GPHN: variants seen among roughly 807,000 people sequenced by gnomAD.
GPHN encodes gephyrin.
A neutral mutation model predicts 95.5 loss-of-function variants in GPHN; 17 were observed. That is an observed-to-expected ratio of 0.18 (90% CI 0.12 to 0.27). The LOEUF (loss-of-function observed/expected upper bound fraction) is 0.27, where lower values mean the gene tolerates loss of function less well. Ranked by LOEUF, GPHN falls within the 10% of genes least tolerant of loss-of-function variation. The pLI is 1.00. For missense variants in GPHN, 660 were observed against 978.1 expected (o/e 0.67, Z 4.34); for synonymous variants, 320 against 322.5 (o/e 0.99, Z 0.08).
chr14:67,393,001 G>A, the GPHN span: 2 of 863,752 alleles, frequency 2.3e-6, no homozygotes, highest in Admixed American at 4.1e-5. Context: ...TAGAGCCGTG[G>A]CTGCACACCC....
At position 66,630,474 on chromosome 14, in the gene GPHN, A is replaced by G. The variant is rs2063748391; in HGVS notation, c.65-50633A>G. On this transcript the variant is annotated intron_variant, in intron 1 of 22. Coordinates refer to ENST00000478722, the MANE Select transcript of GPHN (RefSeq NM_020806.5). ...GTTGGCAATTGGTCATCAGAATCCTATTGTTGTTGTTGTTATTTTTTTTTT... is the reference window on the plus strand; with the variant it reads ...GTTGGCAATTGGTCATCAGAATCCTGTTGTTGTTGTTGTTATTTTTTTTTT... Among the ~76,000 whole-genome samples the G allele has an allele frequency of 2.0e-5, 3 of 151,070 alleles. No homozygotes were observed. In the South Asian group the frequency reaches 6.2e-4, roughly 31 times the overall value.
At chr14:67,049,421 G>C (rs1198581014) in intron 10 of GPHN, among the ~76,000 whole-genome samples, 1 of 151,496 alleles carries the variant, frequency 6.6e-6, no homozygotes, top group African/African-American at 2.4e-5. Flanking sequence ...GTAGAGACGG[G>C]GTTTCACCGT....
intron 1 of GPHN, among the ~76,000 whole-genome samples, chr14:66,555,814 G>A (rs2059987444): frequency 6.6e-6 from 1 of 151,664 alleles, no homozygotes. Flanking sequence ...CTACTTTAAT[G>A]GTTTTCATTT....
intron 18 of GPHN, among the ~76,000 whole-genome samples, chr14:67,144,274 T>TACACAC: frequency 8.7e-6 from 1 of 115,542 alleles, no homozygotes; most frequent in African/African-American, 3.6e-5. Context: ...TATATATATA[T>TACACAC]ATATATATAT....
the GPHN span, chr14:67,577,378 T>C: frequency 6.3e-7 from 1 of 1,591,334 alleles, no homozygotes. Flanking sequence ...CCCTGCCCTC[T>C]GAGGCCTTGC....
intron 10 of GPHN, among the ~76,000 whole-genome samples, chr14:67,026,759 C>G (rs2073946705): frequency 1.3e-5 from 2 of 152,190 alleles, no homozygotes; most frequent in Admixed American, 1.3e-4. Flanking sequence ...TCTCCTGCCT[C>G]AGCCTTTTGA....
chr14:67,468,098 C>G, the GPHN span, among the ~76,000 whole-genome samples: 1 of 152,068 alleles, frequency 6.6e-6, no homozygotes, highest in African/African-American at 2.4e-5. Flanking sequence ...CTCAGCCTCC[C>G]GAGTAGCTGG....
At chr14:66,929,470 T>C (rs2066663492) in intron 8 of GPHN, among the ~76,000 whole-genome samples, 3 of 152,188 alleles carry the variant, frequency 2.0e-5, no homozygotes, top group Non-Finnish European at 4.4e-5. Context: ...TATAATAATA[T>C]TTGTTTTATA....
chr14:67,288,965 T>C, the GPHN span, among the ~76,000 whole-genome samples: 1 of 7,428 alleles, frequency 1.3e-4, no homozygotes, highest in Admixed American at 1.3e-3. Flanking sequence ...CTTTATTTCC[T>C]TTTTTTTTTT....
intron 17 of GPHN, among the ~76,000 whole-genome samples, chr14:67,139,446 A>T (rs893800675): frequency 9.2e-5 from 14 of 151,816 alleles, no homozygotes; most frequent in African/African-American, 2.4e-4. Flanking sequence ...TTCTCATTAG[A>T]CTCTTTCTTT....
rs569121101 is a variant in GPHN at position 66,989,210 on chromosome 14, A to C, written c.963+23885A>C. Among the ~76,000 whole-genome samples the C allele has an allele frequency of 3.3e-5, 5 of 152,052 alleles. 1 individual carries two copies. The highest frequency in any genetic ancestry group is 1.2e-4 in the African/African-American group (5 of 41,528). ...TTATAGAATTTTGAAAACCATCCAT[A>C]ATCACTCCCCAAAACCTATTTTGTC... On this transcript the variant is annotated intron_variant, in intron 9 of 22. Transcript: ENST00000478722.
At chr14:66,680,921 G>A (rs190637963) in intron 1 of GPHN, among the ~76,000 whole-genome samples, 186 bp from the exon 2 acceptor site, 2 of 151,534 alleles carry the variant, frequency 1.3e-5, no homozygotes, top group South Asian at 2.1e-4. Flanking sequence ...TGAAATGTTG[G>A]CTTGTTTAGA....
chr14:67,468,042 C>T, the GPHN span, among the ~76,000 whole-genome samples: 484 of 152,044 alleles, frequency 3.2e-3, 3 homozygotes, highest in African/African-American at 0.011. Flanking sequence ...GGTGCGATCT[C>T]GGCTCACTGC....
chr14:66,730,954 T>A (rs182093666), intron 2 of GPHN, among the ~76,000 whole-genome samples: 2 of 152,244 alleles, frequency 1.3e-5, no homozygotes, highest in African/African-American at 4.8e-5. Context: ...GATTGGATAA[T>A]GTGGGTGGTT....
chr14:67,116,619 G>A (rs993786540), intron 16 of GPHN, among the ~76,000 whole-genome samples: 4 of 152,198 alleles, frequency 2.6e-5, no homozygotes, highest in Admixed American at 2.6e-4. Context: ...CTAAGCTCAA[G>A]TGATCCTCCC....
At chr14:67,620,072 C>G in the GPHN span, 4 of 1,608,452 alleles carry the variant, frequency 2.5e-6, no homozygotes, top group Non-Finnish European at 3.4e-6. Context: ...ATAGGAGCCC[C>G]GTTCTCACAA....
At chr14:66,949,993 GAAAAAAAA>G (rs71129809) in intron 8 of GPHN, among the ~76,000 whole-genome samples, 7,586 of 57,928 alleles carry the variant, frequency 0.13, 527 homozygotes, top group African/African-American at 0.28. Context: ...TTTAGGACAG[GAAAAAAAA>G]AAAAAAAAAA....
chr14:66,654,400 A>G (rs2065205205), intron 1 of GPHN, among the ~76,000 whole-genome samples: 1 of 152,146 alleles, frequency 6.6e-6, no homozygotes, highest in Non-Finnish European at 1.5e-5. Context: ...TGTTCTTATT[A>G]TGATTTTAAT....
At chr14:67,627,256 G>GATAGATATATATATATATATAT in the GPHN span, among the ~76,000 whole-genome samples, 1 of 133,750 alleles carries the variant, frequency 7.5e-6, no homozygotes, top group Non-Finnish European at 1.6e-5. Context: ...TCAGTAAGGA[G>GATAGATATATATATATATATAT]ATATATATAT....
Sources: allele counts gnomAD v4.1 joint callset (sites outside exome capture counted in the v4.1 genomes callset), GRCh38; gene constraint gnomAD v4.1.1; transcripts MANE v1.5; gene names NCBI Gene and HGNC (gene_info 2026-07-23, HGNC 2026-07-21).